The following ECPAS variants were observed in gnomAD, a reference collection of about 807,000 sequenced individuals.
The protein encoded by ECPAS is Ecm29 proteasome adaptor and scaffold.
A neutral mutation model predicts 255.1 loss-of-function variants in ECPAS; 70 were observed. That is an observed-to-expected ratio of 0.27 (90% CI 0.23 to 0.33). ECPAS has a LOEUF of 0.33. Ranked by LOEUF, ECPAS falls within the 10% of genes least tolerant of loss-of-function variation. The pLI is 1.00. For missense variants in ECPAS, 1,817 were observed against 2,206.4 expected (o/e 0.82, Z 3.54); for synonymous variants, 784 against 775.0 (o/e 1.01, Z -0.19).
At chr9:111,467,059 A>C (rs2098280451) in intron 2 of ECPAS, among the ~76,000 whole-genome samples, 1 of 152,238 alleles carries the variant, frequency 6.6e-6, no homozygotes, top group Non-Finnish European at 1.5e-5. Context: ...CATTCTTCAG[A>C]TCTCTCTCAA....
intron 48 of ECPAS, chr9:111,365,987 G>A: frequency 2.1e-6 from 1 of 484,938 alleles, no homozygotes; most frequent in Non-Finnish European, 3.7e-6. Flanking sequence ...CTGTAAGTTT[G>A]AAATTACTTT....
intron 36 of ECPAS, among the ~76,000 whole-genome samples, chr9:111,377,074 T>A (rs1338170003): frequency 1.3e-5 from 2 of 152,218 alleles, no homozygotes; most frequent in African/African-American, 2.4e-5. Flanking sequence ...CTAGAATTTA[T>A]GTTTCCAAAT....
At chr9:111,436,845 T>C in intron 7 of ECPAS, 95 bp downstream of exon 7, 1 of 1,077,202 alleles carries the variant, frequency 9.3e-7, no homozygotes, top group African/African-American at 1.6e-5. Flanking sequence ...CTGGAGAGCC[T>C]GAATATACTA....
At position 111,408,608 on chromosome 9, in the gene ECPAS, T is replaced by C; in HGVS notation, c.2615A>G (p.Gln872Arg). ...CATCAGACCTTGCAAGAGGAGTTTC[T>C]GGTGAGGAAAATCTCCATCCCCAAC... ...FPVGDGDFPH[Q>R]KLLLQGLMDS... The change falls in exon 24 of 50, where the codon CAG becomes CGG. Residue 872 changes from glutamine to arginine, a missense_variant. Coordinates refer to ENST00000684092, the MANE Select transcript of ECPAS (RefSeq NM_001364929.1). The C allele has an allele frequency of 6.3e-7, 1 of 1,596,626 alleles. No homozygotes were observed. The highest frequency in any genetic ancestry group is 8.5e-7 in the Non-Finnish European group (1 of 1,171,814).
At chr9:111,368,195 T>C (rs142957917) in intron 46 of ECPAS, among the ~76,000 whole-genome samples, 278 of 152,320 alleles carry the variant, frequency 1.8e-3, no homozygotes, top group East Asian at 0.017. Context: ...TAAGGCCCTG[T>C]CAGGGGACTC....
At position 111,451,487 on chromosome 9, in the gene ECPAS, A is replaced by G. The variant is rs866376685; in HGVS notation, c.91T>C (p.Ser31Pro). ...AGCAAAACAGGAGGAAGGAATTTAG[A>G]TATAATATTCTGTAATTGTTCATCT... ...ETDEQLQNII[S>P]KFLPPVLLKL... Residue 31 changes from serine (S) to proline (P), a missense_variant, in exon 3 of 50, where the codon TCT becomes CCT. Ser to Pro is a moderately conservative substitution (Grantham distance 74). Around this residue, in one of 4 missense-constraint regions of ECPAS, gnomAD observed 90 missense variants for 158.5 expected, o/e 0.57. Coordinates refer to ENST00000684092, the MANE Select transcript of ECPAS (RefSeq NM_001364929.1). The G allele has an allele frequency of 6.4e-7, 1 of 1,574,352 alleles. No individual in the cohort carries two copies. The highest frequency in any genetic ancestry group is 8.6e-7 in the Non-Finnish European group (1 of 1,158,870).
intron 29 of ECPAS, among the ~76,000 whole-genome samples, chr9:111,391,493 A>G (rs2098160084): frequency 6.6e-6 from 1 of 151,682 alleles, no homozygotes; most frequent in African/African-American, 2.4e-5. Flanking sequence ...AGGAGAATCT[A>G]TCGCTTGAAC....
chr9:111,398,179 CA>C (rs1157319877), intron 24 of ECPAS, among the ~76,000 whole-genome samples: 1 of 152,182 alleles, frequency 6.6e-6, no homozygotes, highest in Admixed American at 6.5e-5. Flanking sequence ...TGTGATGAGG[CA>C]TCACGTACTA....
chr9:111,434,917 T>TTTA (rs1554794299), intron 7 of ECPAS, among the ~76,000 whole-genome samples: 14 of 141,622 alleles, frequency 9.9e-5, no homozygotes, highest in African/African-American at 3.3e-4. Flanking sequence ...TTTTTTTTTT[T>TTTA]ACACAGAGTC....
At chr9:111,432,290 A>C (rs1404186436) in intron 8 of ECPAS, among the ~76,000 whole-genome samples, 2 of 152,214 alleles carry the variant, frequency 1.3e-5, no homozygotes, top group Non-Finnish European at 2.9e-5. Flanking sequence ...ACTTCATTTC[A>C]ATTTATAATG....
Position 111,386,813 on chromosome 9 carries a change from T to C in ECPAS, c.3448-357A>G, listed in dbSNP as rs567381088. Among the ~76,000 whole-genome samples, 7 of 152,294 alleles carry C rather than the reference T, an allele frequency of 4.6e-5. No individual in the cohort carries two copies. In the South Asian group the frequency reaches 1.2e-3, roughly 27 times the overall value. ...TGGCACATGCCACCTCTCCCTACAA[T>C]CCCCTTCCCAGGTCCTACTTGCTTG... On this transcript the variant is annotated intron_variant, in intron 31 of 49. Coordinates refer to ENST00000684092, the MANE Select transcript of ECPAS (RefSeq NM_001364929.1).
chr9:111,423,092 T>C (rs1035186907), intron 13 of ECPAS, 107 bp downstream of exon 13: 328 of 775,694 alleles, frequency 4.2e-4, no homozygotes, highest in East Asian at 8.1e-5. Flanking sequence ...ATTAAATACA[T>C]TCCCTTTCAG....
chr9:111,402,782 C>A (rs944395547), intron 24 of ECPAS, among the ~76,000 whole-genome samples: 9 of 152,020 alleles, frequency 5.9e-5, no homozygotes, highest in African/African-American at 9.7e-5. Context: ...ATTTTCTGAA[C>A]CCCTTAGGGA....
At chr9:111,394,628 T>C (rs2098165012) in intron 25 of ECPAS, among the ~76,000 whole-genome samples, 1 of 152,216 alleles carries the variant, frequency 6.6e-6, no homozygotes, top group African/African-American at 2.4e-5. Flanking sequence ...ATTTTGCACT[T>C]ACTTTCCTCC....
chr9:111,434,212 T>C (rs1404799136), intron 7 of ECPAS, among the ~76,000 whole-genome samples: 1 of 152,176 alleles, frequency 6.6e-6, no homozygotes, highest in African/African-American at 2.4e-5. Context: ...TTCCCTCCCC[T>C]GCTCGATACA....
chr9:111,454,279 T>C (rs569995111), intron 2 of ECPAS, among the ~76,000 whole-genome samples: 2 of 117,520 alleles, frequency 1.7e-5, no homozygotes, highest in South Asian at 5.8e-4. Context: ...AGAGAATCTC[T>C]GTCAAAGTTA....
rs10980885 is a variant in ECPAS, at chr9:111,377,624, A to G, written c.3954+956T>C. Among the ~76,000 whole-genome samples the G allele has an allele frequency of 6.9e-4, 105 of 152,332 alleles. No individual in the cohort carries two copies. The South Asian group carries it at 8.9e-3, about 13-fold the overall frequency. On this transcript the variant is annotated intron_variant, in intron 36 of 49. Coordinates refer to ENST00000684092, the MANE Select transcript of ECPAS (RefSeq NM_001364929.1). ...GATATACTGTTAATTTAAAAAACAAATCACAGAACAACATTCACGGTCTGA... is the reference window on the plus strand; with the variant it reads ...GATATACTGTTAATTTAAAAAACAAGTCACAGAACAACATTCACGGTCTGA...
At position 111,383,231 on chromosome 9, in the gene ECPAS, C is replaced by A; in HGVS notation, c.3783G>T (p.Val1261=). ...CLLDKGMMST[V]TEVRALSINT... ...CACACCTGAGGGCTCGAACTTCCGTCACGGTGCTCATCATTCCTTTGTCCA... is the reference window on the plus strand; with the variant it reads ...CACACCTGAGGGCTCGAACTTCCGTAACGGTGCTCATCATTCCTTTGTCCA... The change falls in exon 35 of 50, where the codon GTG becomes GTT. Residue 1261 remains valine (V), a synonymous_variant. Transcript: ENST00000684092. 1 of 1,613,846 alleles carries A rather than the reference C, an allele frequency of 6.2e-7. No homozygotes were observed. The highest frequency in any genetic ancestry group is 8.5e-7 in the Non-Finnish European group (1 of 1,179,836).
rs749873797 is a variant in ECPAS, at chr9:111,414,664, C to T, written c.1765-13G>A. 7 of 1,600,112 alleles carry T rather than the reference C, an allele frequency of 4.4e-6. No individual in the cohort carries two copies. In the Admixed American group the frequency reaches 5.0e-5, roughly 11 times the overall value. On this transcript the variant is annotated splice_polypyrimidine_tract_variant and intron_variant, in intron 18 of 49. Transcript: ENST00000684092. ...AGTACAGAACGATCTACAAACAGAA[C>T]GGAGAGGAAGACTGCATAAGCTTCT...
Sources: gnomAD v4.1 joint callset for allele counts (sites outside exome capture counted in the v4.1 genomes callset) on GRCh38, gnomAD v4.1.1 for gene constraint, gnomAD v4.1.1 regional missense constraint, MANE v1.5 for transcripts, NCBI Gene and HGNC (gene_info 2026-07-23, HGNC 2026-07-21) for gene names.